The following SCAF11 variants were observed in gnomAD, a reference collection of about 807,000 sequenced individuals.
SCAF11 encodes SR-related CTD associated factor 11, also known as protein SCAF11.
SCAF11 carries 47 observed loss-of-function variants against 140.5 expected under a neutral mutation model. The observed-to-expected ratio is 0.33, with a 90% CI of 0.26 to 0.43. The LOEUF is 0.43. SCAF11 is among the 20% of genes least tolerant of loss of function. The probability of loss-of-function intolerance (pLI) is 1.00; values close to 1 mark genes in which losing one functional copy is unlikely to be tolerated. For synonymous variants in SCAF11, 557 were observed against 579.4 expected (o/e 0.96, Z 0.55); for missense variants, 1,645 against 1,705.1 (o/e 0.96, Z 0.62).
chr12:45,989,208 G>A (rs1302332802), intron 1 of SCAF11, among the ~76,000 whole-genome samples: 2 of 152,160 alleles, frequency 1.3e-5, no homozygotes, highest in Non-Finnish European at 2.9e-5. Flanking sequence ...TGCTGCTGAG[G>A]TAGGTGGTGA....
Position 45,922,474 on chromosome 12 carries a change from C to T in SCAF11, c.4234G>A (p.Ala1412Thr), listed in dbSNP as rs1174259871. ...KEEYKEIVRK[A>T]VDKVCHSKSG... ...AAGCCATAACTTACTTTATCTACTG[C>T]TTTCCGTACAATTTCTTTATATTCT... Residue 1412 changes from alanine to threonine, a missense_variant, in exon 14 of 15, where the codon GCA becomes ACA. Physicochemically the swap from Ala to Thr is moderately conservative, Grantham distance 58. Transcript: ENST00000369367. 4 of 1,601,258 alleles carry T rather than the reference C, an allele frequency of 2.5e-6. No homozygotes were observed. Among genetic ancestry groups the T allele is most frequent in the African/African-American group, 1.3e-5 (1 of 74,218 alleles).
chr12:45,970,144 T>C (rs951777724), intron 1 of SCAF11, among the ~76,000 whole-genome samples: 5 of 152,192 alleles, frequency 3.3e-5, no homozygotes, highest in Non-Finnish European at 5.9e-5. Flanking sequence ...TCCACCCGCC[T>C]TGGCCTCCCA....
intron 1 of SCAF11, among the ~76,000 whole-genome samples, chr12:45,970,997 GAATA>G (rs960461996): frequency 2.0e-5 from 3 of 152,060 alleles, no homozygotes; most frequent in Non-Finnish European, 4.4e-5. Flanking sequence ...AGAGTAAAAT[GAATA>G]AAGAATAAAA....
intron 1 of SCAF11, among the ~76,000 whole-genome samples, chr12:45,979,860 T>C (rs1176789973): frequency 6.6e-6 from 1 of 151,778 alleles, no homozygotes; most frequent in Non-Finnish European, 1.5e-5. Context: ...AGATACCGAT[T>C]GTATTACATA....
chr12:45,946,597 T>G (rs1193059286), intron 5 of SCAF11, among the ~76,000 whole-genome samples: 2 of 151,676 alleles, frequency 1.3e-5, no homozygotes, highest in Admixed American at 6.6e-5. Context: ...TGATGACCAC[T>G]ACACCCTTGG....
intron 1 of SCAF11, among the ~76,000 whole-genome samples, chr12:45,973,114 A>G (rs1040707877): frequency 6.7e-6 from 1 of 150,262 alleles, no homozygotes; most frequent in African/African-American, 2.4e-5. Context: ...GCAAACAAAC[A>G]GAAGACATAA....
chr12:45,928,457 G>C lies in SCAF11; in HGVS notation c.1244C>G (p.Thr415Arg). ...GTGCTCTTTTTCTAACACAGGTGATGTGTCAGATTCTGCTGTTTCTTCATC... is the reference window on the plus strand; with the variant it reads ...GTGCTCTTTTTCTAACACAGGTGATCTGTCAGATTCTGCTGTTTCTTCATC... Reference protein sequence around the residue: ...SVDEETAESDTSPVLEKEHQP... With the variant: ...SVDEETAESDRSPVLEKEHQP... Residue 415 changes from threonine (T) to arginine (R), a missense_variant, in exon 11 of 15, where the codon ACA becomes AGA. Transcript: ENST00000369367. 6.2e-7 allele frequency: 1 copy of C among 1,612,806 alleles called. No individual in the cohort carries two copies. Among genetic ancestry groups the C allele is most frequent in the Non-Finnish European group, 8.5e-7 (1 of 1,179,048 alleles).
At chr12:45,972,865 G>T (rs11183257) in intron 1 of SCAF11, among the ~76,000 whole-genome samples, 99 of 83,622 alleles carry the variant, frequency 1.2e-3, no homozygotes, top group Non-Finnish European at 1.9e-3. Flanking sequence ...TATATATATC[G>T]ATATATATAT....
chr12:45,931,540 A>C lies in SCAF11; in HGVS notation c.807T>G (p.Ile269Met). 1 of 1,506,102 alleles carries C rather than the reference A, an allele frequency of 6.6e-7. No homozygotes were observed. The highest frequency in any genetic ancestry group is 8.8e-7 in the Non-Finnish European group (1 of 1,132,378). The allele number at this position is 1,506,102 out of a possible 1,614,324, so 93.3% of individuals were successfully genotyped here. A position where few individuals can be genotyped will look rare whatever the true frequency, so the allele number is the denominator to read the frequency against. Residue 269 changes from isoleucine to methionine, a missense_variant, in exon 10 of 15, where the codon ATT becomes ATG. By Grantham distance (10) the Ile-to-Met change is conservative (BLOSUM62 1). This residue lies in a region of SCAF11 where 1,582 missense variants were observed against 1,609.2 expected (regional missense o/e 0.98). Coordinates refer to ENST00000369367, the MANE Select transcript of SCAF11 (RefSeq NM_004719.3). ...PLISSVLPRTIFPTSTISFEH... is the reference protein window; with the variant it reads ...PLISSVLPRTMFPTSTISFEH... ...CGAAAGATATGGTACTTGTTGGAAA[A>C]ATAGTTCTTGGCAACACAGAAGAAA...
intron 1 of SCAF11, among the ~76,000 whole-genome samples, chr12:45,972,915 T>G (rs11183262): frequency 0.056 from 1,513 of 26,816 alleles, 96 homozygotes; most frequent in East Asian, 0.12. Flanking sequence ...TATAGATATA[T>G]ATATAGATAT....
rs1469874256 is a variant in SCAF11 at position 45,927,064 on chromosome 12, T to G, written c.2637A>C (p.Glu879Asp). ...RDTTRESRRS[E>D]SLSPRRETSR... ...AAGTTTCTCTTCTTGGGGACAGTGA[T>G]TCAGATCTTCTGCTTTCCCTAGTAG... Residue 879 changes from glutamate (E) to aspartate (D), a missense_variant, in exon 11 of 15, where the codon GAA becomes GAC. Physicochemically the swap from Glu to Asp is conservative, Grantham distance 45. This residue lies in a region of SCAF11 where 1,582 missense variants were observed against 1,609.2 expected (regional missense o/e 0.98). Coordinates refer to ENST00000369367, the MANE Select transcript of SCAF11 (RefSeq NM_004719.3). 6.2e-7 allele frequency: 1 copy of G among 1,614,144 alleles called. No homozygotes were observed. The highest frequency in any genetic ancestry group is 1.1e-5 in the South Asian group (1 of 91,084).
At position 45,919,348 on chromosome 12, in the gene SCAF11, A is replaced by G; in HGVS notation, c.*2700T>C. ...AAGGAAGGTAAGAGAAAAAAATGTG[A>G]TAATTACCAAAACAAATTTTAAAAA... is the stretch of plus-strand genomic sequence containing the variant. On this transcript the variant is annotated 3_prime_UTR_variant, in exon 15 of 15. Transcript: ENST00000369367. The G allele has an allele frequency of 6.6e-6, 1 of 152,556 alleles. No homozygotes were observed. Among genetic ancestry groups the G allele is most frequent in the South Asian group, 2.1e-4 (1 of 4,830 alleles). The allele number at this position is 152,556 out of a possible 1,614,324, so 9.5% of individuals were successfully genotyped here.
At chr12:45,930,506 T>C (rs1192765873) in intron 10 of SCAF11, among the ~76,000 whole-genome samples, 1 of 147,386 alleles carries the variant, frequency 6.8e-6, no homozygotes. Flanking sequence ...CAGGCTGGAG[T>C]GCAGTGGTGC....
chr12:45,960,069 CAA>C (rs1056615612), intron 3 of SCAF11, among the ~76,000 whole-genome samples: 10 of 152,024 alleles, frequency 6.6e-5, no homozygotes, highest in Non-Finnish European at 1.2e-4. Context: ...AAATATTCAA[CAA>C]GAGTTAAAAA....
At chr12:45,971,010 AAC>A (rs1356882153) in intron 1 of SCAF11, among the ~76,000 whole-genome samples, 2 of 152,240 alleles carry the variant, frequency 1.3e-5, no homozygotes, top group African/African-American at 2.4e-5. Flanking sequence ...TAAAGAATAA[AAC>A]ACTTTCAAAG....
At position 45,927,447 on chromosome 12, in the gene SCAF11, A is replaced by T. The variant is rs764549916; in HGVS notation, c.2254T>A (p.Cys752Ser). Reference sequence around the variant, plus strand: ...GAAGACGGCATATTATTTTCAGAACAGTGTGTCACAGAATTTTCATTCATT... The same window carrying T: ...GAAGACGGCATATTATTTTCAGAACTGTGTGTCACAGAATTTTCATTCATT... Reference protein sequence around the residue: ...KQMNENSVTHCSENNMPSSDL... With the variant: ...KQMNENSVTHSSENNMPSSDL... The change falls in exon 11 of 15, where the codon TGT becomes AGT. Residue 752 changes from cysteine (C) to serine (S), a missense_variant. Cys to Ser is a moderately radical substitution (Grantham distance 112, BLOSUM62 -1). Around this residue, in one of 2 missense-constraint regions of SCAF11, gnomAD observed 1,582 missense variants for 1,609.2 expected, o/e 0.98. Transcript: ENST00000369367. 1 of 1,613,342 alleles carries T rather than the reference A, an allele frequency of 6.2e-7. No individual in the cohort carries two copies. The highest frequency in any genetic ancestry group is 8.5e-7 in the Non-Finnish European group (1 of 1,179,862).
chr12:45,928,741 T>C lies in SCAF11; in HGVS notation c.960A>G (p.Thr320=), dbSNP rs146750023. The change falls in exon 11 of 15, where the codon ACA becomes ACG. Residue 320 remains threonine, a synonymous_variant. Coordinates refer to ENST00000369367, the MANE Select transcript of SCAF11 (RefSeq NM_004719.3). The stretch of plus-strand genomic sequence containing the variant: ...CTCTTGTGTTACGTGTAGACCTCCT[T>C]GTAGGAGTTGTCATTGCAGGTTTTC... ...SRRKPAMTTP[T]RRSTRNTRAE... 1.8e-5 allele frequency: 29 copies of C among 1,613,932 alleles called. No homozygotes were observed. The highest frequency in any genetic ancestry group is 1.6e-4 in the Middle Eastern group (1 of 6,084).
At position 45,966,102 on chromosome 12, in the gene SCAF11, G is replaced by C. The variant is rs1366359141; in HGVS notation, c.-21-1914C>G. On this transcript the variant is annotated intron_variant, in intron 1 of 14. Coordinates refer to ENST00000369367, the MANE Select transcript of SCAF11 (RefSeq NM_004719.3). ...TGCAAACTAACTTGTTTTAGTTCTG[G>C]TATTTAAGGACAAACAACATAATGA... Among the ~76,000 whole-genome samples, 10 of 152,212 alleles carry C rather than the reference G, an allele frequency of 6.6e-5. No individual in the cohort carries two copies. The East Asian group carries it at 1.9e-3, about 29-fold the overall frequency.
At chr12:45,984,079 G>C (rs1946406895) in intron 1 of SCAF11, among the ~76,000 whole-genome samples, 1 of 152,122 alleles carries the variant, frequency 6.6e-6, no homozygotes, top group Admixed American at 6.5e-5. Flanking sequence ...AGGCATTGGA[G>C]CCCAAGTTAG....
Sources: gnomAD v4.1 joint callset for allele counts (sites outside exome capture counted in the v4.1 genomes callset) on GRCh38, gnomAD v4.1.1 for gene constraint, gnomAD v4.1.1 regional missense constraint, MANE v1.5 for transcripts, NCBI Gene and HGNC (gene_info 2026-07-23, HGNC 2026-07-21) for gene names.